Variants in GUCY1B1 observed in about 807,000 individuals in gnomAD.
GUCY1B1 encodes guanylate cyclase soluble subunit beta-1.
GUCY1B1 carries 43 observed loss-of-function variants against 71.0 expected under a neutral mutation model. That is an observed-to-expected ratio of 0.61 (90% CI 0.47 to 0.78). The LOEUF (loss-of-function observed/expected upper bound fraction) is 0.78, where lower values mean the gene tolerates loss of function less well. GUCY1B1 is among the 30% of genes least tolerant of loss of function. The pLI is 0.00. For synonymous variants in GUCY1B1, 266 were observed against 259.7 expected (o/e 1.02, Z -0.23); for missense variants, 535 against 754.1 (o/e 0.71, Z 3.40).
chr4:155,774,876 T>C (rs946610981), intron 2 of GUCY1B1, 92 bp from the exon 3 acceptor site: 1 of 772,886 alleles, frequency 1.3e-6, no homozygotes, highest in Non-Finnish European at 2.2e-6. Context: ...ATTTCAGAGA[T>C]AAAGCCATTG....
intron 6 of GUCY1B1, 84 bp from the exon 7 acceptor site, chr4:155,795,257 G>A (rs1009369915): frequency 1.9e-5 from 12 of 641,870 alleles, no homozygotes; most frequent in African/African-American, 3.7e-5. Flanking sequence ...ATATAACTGA[G>A]CTGATTTAAT....
chr4:155,779,707 T>G (rs536981805), intron 4 of GUCY1B1, among the ~76,000 whole-genome samples: 5 of 152,346 alleles, frequency 3.3e-5, no homozygotes, highest in African/African-American at 1.2e-4. Context: ...ATCATTAGGC[T>G]GATTACACAG....
intron 11 of GUCY1B1, among the ~76,000 whole-genome samples, chr4:155,804,258 A>C (rs1212582755): frequency 6.6e-6 from 1 of 152,186 alleles, no homozygotes; most frequent in Non-Finnish European, 1.5e-5. Context: ...CATGTGTTAC[A>C]GGAACAGAAA....
At chr4:155,797,694 T>C (rs1202252849) in intron 8 of GUCY1B1, among the ~76,000 whole-genome samples, 3 of 150,224 alleles carry the variant, frequency 2.0e-5, no homozygotes, top group Admixed American at 1.3e-4. Flanking sequence ...GCCGAGATCA[T>C]GCCACTGCAC....
chr4:155,791,768 A>G (rs914137986), intron 5 of GUCY1B1, among the ~76,000 whole-genome samples: 2 of 107,554 alleles, frequency 1.9e-5, no homozygotes, highest in African/African-American at 6.5e-5. Flanking sequence ...AAAGCAAAAC[A>G]AAACGAAAAA....
intron 4 of GUCY1B1, among the ~76,000 whole-genome samples, chr4:155,787,027 ACTCT>A (rs1212023340): frequency 3.9e-5 from 6 of 152,044 alleles, no homozygotes; most frequent in Admixed American, 1.3e-4. Context: ...TAAAAATAAA[ACTCT>A]CTCAGTGATT....
chr4:155,793,295 T>G (rs566006831), intron 5 of GUCY1B1, among the ~76,000 whole-genome samples: 10 of 152,324 alleles, frequency 6.6e-5, no homozygotes, highest in African/African-American at 2.2e-4. Context: ...CAGGCTGGTT[T>G]CAAACTCCTG....
At position 155,802,188 on chromosome 4, in the gene GUCY1B1, A is replaced by G; in HGVS notation, c.1176-154A>G. The G allele has an allele frequency of 1.4e-6, 2 of 1,463,574 alleles. No homozygotes were observed. Among genetic ancestry groups the G allele is most frequent in the Non-Finnish European group, 1.8e-6 (2 of 1,107,000 alleles). 90.7% of individuals were successfully genotyped at this position (1,463,574 alleles called of 1,614,324 possible). A position where few individuals can be genotyped will look rare whatever the true frequency, so the allele number is the denominator to read the frequency against. Reference sequence around the variant, plus strand: ...TCTGTAAATCCTTGCTTATAAATACAGCTAATATTTGATGCTAATTTTAGA... The same window carrying G: ...TCTGTAAATCCTTGCTTATAAATACGGCTAATATTTGATGCTAATTTTAGA... On this transcript the variant is annotated intron_variant, in intron 9 of 13. Coordinates refer to ENST00000264424, the MANE Select transcript of GUCY1B1 (RefSeq NM_000857.5). The surrounding 1 kb of genome is among the most constrained non-coding windows in gnomAD (Gnocchi z 4.3).
chr4:155,803,056 G>T (rs911858204), intron 10 of GUCY1B1, among the ~76,000 whole-genome samples: 4 of 152,106 alleles, frequency 2.6e-5, no homozygotes, highest in Non-Finnish European at 5.9e-5. Flanking sequence ...GTTTCATTTA[G>T]AAATAAATAT....
At chr4:155,771,962 A>G (rs1737721483) in intron 2 of GUCY1B1, among the ~76,000 whole-genome samples, 1 of 152,210 alleles carries the variant, frequency 6.6e-6, no homozygotes, top group African/African-American at 2.4e-5. Flanking sequence ...AAATTATAAT[A>G]GCAGTGATTA....
At chr4:155,770,104 A>G (rs28441271) in intron 2 of GUCY1B1, among the ~76,000 whole-genome samples, 51,602 of 152,004 alleles carry the variant, frequency 0.34, 8,903 homozygotes, top group Middle Eastern at 0.48. Flanking sequence ...AAGTTATGGG[A>G]TAGCAAAGTG....
intron 9 of GUCY1B1, among the ~76,000 whole-genome samples, chr4:155,800,552 A>G (rs1021531718): frequency 1.3e-5 from 2 of 152,218 alleles, no homozygotes; most frequent in African/African-American, 4.8e-5. Flanking sequence ...AATGAATCTG[A>G]CAAATTGTAA....
At chr4:155,791,215 C>T (rs565130297) in intron 5 of GUCY1B1, among the ~76,000 whole-genome samples, 10 of 151,218 alleles carry the variant, frequency 6.6e-5, no homozygotes, top group African/African-American at 2.2e-4. Context: ...CCCGGGTTCA[C>T]GCCATTCTCC....
At chr4:155,796,880 ATATTTGACATCAAAAAT>A (rs1739593276) in intron 8 of GUCY1B1, among the ~76,000 whole-genome samples, 1 of 152,210 alleles carries the variant, frequency 6.6e-6, no homozygotes, top group Non-Finnish European at 1.5e-5. Flanking sequence ...ATACATTGGT[ATATTTGACATCAAAAAT>A]TATCTTTTCT....
At chr4:155,790,606 C>G (rs1349942567) in intron 5 of GUCY1B1, among the ~76,000 whole-genome samples, 1 of 152,122 alleles carries the variant, frequency 6.6e-6, no homozygotes, top group Non-Finnish European at 1.5e-5. Flanking sequence ...ACCCAAGAGT[C>G]AATTCTCAGT....
chr4:155,787,362 A>C (rs1021897269), intron 4 of GUCY1B1, among the ~76,000 whole-genome samples: 8 of 152,328 alleles, frequency 5.3e-5, no homozygotes, highest in Non-Finnish European at 1.2e-4. Context: ...TGACTCCATC[A>C]GGTATAATTG....
intron 2 of GUCY1B1, among the ~76,000 whole-genome samples, chr4:155,760,713 A>T: frequency 6.6e-6 from 1 of 152,040 alleles, no homozygotes; most frequent in East Asian, 1.9e-4. Flanking sequence ...CCAACTAGCT[A>T]CTCCAAAACC....
Position 155,773,920 on chromosome 4 carries a change from C to T in GUCY1B1, c.78-1048C>T, listed in dbSNP as rs543893259. Among the ~76,000 whole-genome samples, 11 of 152,256 alleles carry T rather than the reference C, an allele frequency of 7.2e-5. No homozygotes were observed. The East Asian group carries it at 1.7e-3, about 24-fold the overall frequency. ...GCCAGGATGGTCTTGATCTCCTGAC[C>T]TCGTGATCTGTCAGTCCCCGCCTCC... On this transcript the variant is annotated intron_variant, in intron 2 of 13. Coordinates refer to ENST00000264424, the MANE Select transcript of GUCY1B1 (RefSeq NM_000857.5).
At chr4:155,766,351 GT>G (rs1737333574) in intron 2 of GUCY1B1, among the ~76,000 whole-genome samples, 4 of 152,134 alleles carry the variant, frequency 2.6e-5, no homozygotes, top group African/African-American at 9.7e-5. Flanking sequence ...ACAACTTCAT[GT>G]TTTGATGTAC....
Sources: allele counts gnomAD v4.1 joint callset (sites outside exome capture counted in the v4.1 genomes callset), GRCh38; gene constraint gnomAD v4.1.1; non-coding constraint Gnocchi (gnomAD v3.1); transcripts MANE v1.5; gene names NCBI Gene and HGNC (gene_info 2026-07-23, HGNC 2026-07-21).